The following FLNB variants were observed in gnomAD, a reference collection of about 807,000 sequenced individuals.
The protein encoded by FLNB is filamin-B.
A neutral mutation model predicts 250.6 loss-of-function variants in FLNB; 111 were observed. The observed-to-expected ratio is 0.44, with a 90% confidence interval of 0.38 to 0.52. The LOEUF (loss-of-function observed/expected upper bound fraction) is 0.52. FLNB is among the 20% of genes least tolerant of loss of function. The probability of loss-of-function intolerance (pLI) is 0.00; values close to 1 mark genes in which losing one functional copy is unlikely to be tolerated. For synonymous variants in FLNB, 1,302 were observed against 1,372.1 expected, an observed-to-expected ratio of 0.95 and a Z score of 1.13; for missense variants, 2,869 against 3,447.8, an observed-to-expected ratio of 0.83 and a Z score of 4.20.
chr3:58,145,846 A>C, intron 32 of FLNB, 75 bp from the exon 33 acceptor site: 1 of 1,598,698 alleles, frequency 6.3e-7, no homozygotes, highest in South Asian at 1.1e-5. Context: ...GGTGGACGTC[A>C]AGATGCCAGT....
chr3:58,056,097 A>T (rs1027687832), intron 1 of FLNB, among the ~76,000 whole-genome samples: 81 of 131,508 alleles, frequency 6.2e-4, no homozygotes, highest in African/African-American at 7.7e-4. Flanking sequence ...TTATTTATTT[A>T]TTTATTTATT....
chr3:58,169,014 T>C lies in FLNB; in HGVS notation c.7417+356T>C. The C allele has an allele frequency of 6.1e-6, 2 of 329,706 alleles. No homozygotes were observed. The highest frequency in any genetic ancestry group is 2.7e-5 in the South Asian group (1 of 36,450). 20.4% of individuals were successfully genotyped at this position (329,706 alleles called of 1,614,324 possible). A position where few individuals can be genotyped will look rare whatever the true frequency, so the allele number is the denominator to read the frequency against. On this transcript the variant is annotated intron_variant, in intron 44 of 45. Coordinates refer to ENST00000295956, the MANE Select transcript of FLNB (RefSeq NM_001457.4). This position sits in a 1 kb window ranked among gnomAD's most constrained non-coding sequence, Gnocchi z 4.8. ...AAAAGTTTTCCTATACTTATAAAAA[T>C]GTGTCTCCTCCAAAACACTGGAAAA...
chr3:58,023,148 G>A (rs1185613776), intron 1 of FLNB, among the ~76,000 whole-genome samples: 1 of 71,570 alleles, frequency 1.4e-5, no homozygotes, highest in Admixed American at 1.8e-4. Flanking sequence ...GTCTCCTTTT[G>A]TTGCCCAAAC....
chr3:58,160,247 G>A (rs1575473224), intron 42 of FLNB, among the ~76,000 whole-genome samples: 1 of 152,270 alleles, frequency 6.6e-6, no homozygotes, highest in South Asian at 2.1e-4. Flanking sequence ...AGGAAAAGTA[G>A]GTTAATGTTC....
At chr3:58,062,460 A>T (rs968331036) in intron 1 of FLNB, among the ~76,000 whole-genome samples, 10 of 151,942 alleles carry the variant, frequency 6.6e-5, no homozygotes, top group African/African-American at 2.4e-4. Flanking sequence ...TCCCCCCACC[A>T]GTTGTCTTGT....
intron 28 of FLNB, among the ~76,000 whole-genome samples, chr3:58,136,882 G>A (rs111511410): frequency 3.1e-3 from 469 of 151,208 alleles, no homozygotes; most frequent in African/African-American, 0.011. Flanking sequence ...ACCATGCCCG[G>A]CTAAGTTTTG....
chr3:58,104,429 C>T (rs186736586), intron 10 of FLNB, among the ~76,000 whole-genome samples: 79 of 152,246 alleles, frequency 5.2e-4, no homozygotes, highest in Middle Eastern at 3.4e-3. Context: ...ATGAATGCCA[C>T]GGGGCAGAAT....
chr3:58,042,690 G>GT (rs1043826164), intron 1 of FLNB, among the ~76,000 whole-genome samples: 2 of 151,808 alleles, frequency 1.3e-5, no homozygotes, highest in South Asian at 2.1e-4. Context: ...GCTAATTTGT[G>GT]TTTTTTCTTG....
chr3:58,031,543 CTTTTTT>C (rs764190111), intron 1 of FLNB, among the ~76,000 whole-genome samples: 4 of 77,144 alleles, frequency 5.2e-5, no homozygotes, highest in Admixed American at 2.0e-4. Flanking sequence ...CGTGCCCTGC[CTTTTTT>C]TTTTTTTTTT....
intron 6 of FLNB, 23 bp from the exon 7 acceptor site, chr3:58,097,792 T>A: frequency 6.2e-7 from 1 of 1,611,564 alleles, no homozygotes; most frequent in Non-Finnish European, 8.5e-7. Flanking sequence ...ATTATGTATT[T>A]CTCACCTATC....
At chr3:58,092,440 T>C (rs1316299297) in intron 4 of FLNB, among the ~76,000 whole-genome samples, 1 of 152,128 alleles carries the variant, frequency 6.6e-6, no homozygotes, top group East Asian at 1.9e-4. Flanking sequence ...GCCCAGGAGT[T>C]TGAGACCAGC....
At chr3:58,066,828 A>G (rs886217519) in intron 1 of FLNB, among the ~76,000 whole-genome samples, 2 of 152,260 alleles carry the variant, frequency 1.3e-5, no homozygotes, top group Non-Finnish European at 2.9e-5. Flanking sequence ...GAAGCAGTAC[A>G]CCATCATAGA....
At position 58,114,425 on chromosome 3, in the gene FLNB, C is replaced by T. The variant is rs137979119; in HGVS notation, c.2745+2107C>T. Among the ~76,000 whole-genome samples the T allele has an allele frequency of 7.2e-5, 11 of 152,262 alleles. No individual in the cohort carries two copies. The East Asian group carries it at 1.9e-3, about 27-fold the overall frequency. Reference sequence around the variant, plus strand: ...TGCTGGGATTATAGGCATGAGCCACCGCGCCCGGCCATCTTCATTTGTTGA... The same window carrying T: ...TGCTGGGATTATAGGCATGAGCCACTGCGCCCGGCCATCTTCATTTGTTGA... On this transcript the variant is annotated intron_variant, in intron 18 of 45. Coordinates refer to ENST00000295956, the MANE Select transcript of FLNB (RefSeq NM_001457.4).
At chr3:58,073,844 T>TTGG (rs1351077973) in intron 1 of FLNB, among the ~76,000 whole-genome samples, 9 of 152,372 alleles carry the variant, frequency 5.9e-5, no homozygotes, top group Non-Finnish European at 1.0e-4. Context: ...AGCTTTTTAC[T>TTGG]AGCTGTTGCT....
Position 58,142,588 on chromosome 3 carries a change from G to A in FLNB, c.5182-62G>A. ...AGAATTCCCAGCAGCTCTAACCCCT[G>A]TAGCTTCACCAGCTCCCGCTGTTGT... On this transcript the variant is annotated intron_variant, in intron 30 of 45. Coordinates refer to ENST00000295956, the MANE Select transcript of FLNB (RefSeq NM_001457.4). This position sits in a 1 kb window ranked among gnomAD's most constrained non-coding sequence, Gnocchi z 4.3. 7.0e-7 allele frequency: 1 copy of A among 1,419,168 alleles called. No homozygotes were observed. Among genetic ancestry groups the A allele is most frequent in the East Asian group, 2.3e-5 (1 of 43,886 alleles). The allele number at this position is 1,419,168 out of a possible 1,614,324, so 87.9% of individuals were successfully genotyped here.
chr3:58,042,498 G>A (rs1395308092), intron 1 of FLNB, among the ~76,000 whole-genome samples: 1 of 151,750 alleles, frequency 6.6e-6, no homozygotes, highest in East Asian at 1.9e-4. Flanking sequence ...ACAGGCATGT[G>A]CCACCATGCC....
rs3215311 is a variant in FLNB, at chr3:58,103,867, GT to G, written c.1484-90del. On this transcript the variant is annotated intron_variant, in intron 9 of 45. Coordinates refer to ENST00000295956, the MANE Select transcript of FLNB (RefSeq NM_001457.4). ...GGTTTTTATGTATGGTTTATGTTTT[GT>G]TCAGTGTGGCTGCCTCTCTGTTCTT... The G allele has an allele frequency of 0.38, 566,897 of 1,499,672 alleles. 111,280 individuals carry two copies. Among genetic ancestry groups the G allele is most frequent in the Middle Eastern group, 0.47 (2,557 of 5,388 alleles). 92.9% of individuals were successfully genotyped at this position (1,499,672 alleles called of 1,614,324 possible). A position where few individuals can be genotyped will look rare whatever the true frequency, so the allele number is the denominator to read the frequency against.
chr3:58,137,387 TC>T (rs1013061743), intron 28 of FLNB, among the ~76,000 whole-genome samples: 8 of 152,176 alleles, frequency 5.3e-5, no homozygotes, highest in African/African-American at 1.2e-4. Flanking sequence ...GATGGGGACT[TC>T]CCCCTTGCCT....
chr3:58,149,486 A>C, intron 36 of FLNB: 1 of 326,260 alleles, frequency 3.1e-6, no homozygotes, highest in Non-Finnish European at 5.8e-6. Flanking sequence ...TAAAAATTCA[A>C]AATCTCAGAT....
Sources: gnomAD v4.1 joint callset for allele counts (sites outside exome capture counted in the v4.1 genomes callset) on GRCh38, gnomAD v4.1.1 for gene constraint, Gnocchi (gnomAD v3.1) non-coding constraint, MANE v1.5 for transcripts, NCBI Gene and HGNC (gene_info 2026-07-23, HGNC 2026-07-21) for gene names.